The following TRIM49C variants were observed in gnomAD, a reference collection of about 807,000 sequenced individuals.
TRIM49C encodes tripartite motif containing 49C, also known as tripartite motif-containing protein 49C.
In TRIM49C, 6 loss-of-function variants were observed where a neutral mutation model predicts 21.4. The observed-to-expected ratio is 0.28, with a 90% CI of 0.15 to 0.55. The LOEUF is 0.55. TRIM49C is among the 20% of genes least tolerant of loss of function. The pLI is 0.94. For synonymous variants in TRIM49C, 57 were observed against 148.1 expected, an observed-to-expected ratio of 0.38 and a Z score of 4.47; for missense variants, 161 against 442.4, an observed-to-expected ratio of 0.36 and a Z score of 5.71.
chr11:90,064,054 A>G, the TRIM49C span, among the ~76,000 whole-genome samples: 1 of 134,180 alleles, frequency 7.5e-6, no homozygotes, highest in Non-Finnish European at 1.6e-5. Flanking sequence ...CTTAGTATCT[A>G]TGGTATTATT....
chr11:90,034,228 T>C (rs1249585260), intron 2 of TRIM49C, among the ~76,000 whole-genome samples: 1 of 112,762 alleles, frequency 8.9e-6, no homozygotes, highest in African/African-American at 4.3e-5. Context: ...ATCTGAGGTG[T>C]CAGCTGATTG....
the TRIM49C span, chr11:90,062,608 C>T: frequency 2.0e-6 from 3 of 1,476,630 alleles, no homozygotes; most frequent in Non-Finnish European, 2.7e-6. Context: ...TCCTCAGCAG[C>T]CCATCCTATT....
At chr11:90,059,834 G>A in the TRIM49C span, among the ~76,000 whole-genome samples, 5,242 of 145,586 alleles carry the variant, frequency 0.036, 206 homozygotes, top group Non-Finnish European at 0.053. Flanking sequence ...GAGGAGGCCC[G>A]GGTCATTGAT....
the TRIM49C span, among the ~76,000 whole-genome samples, chr11:90,064,316 C>T: frequency 6.6e-6 from 1 of 151,482 alleles, no homozygotes. Flanking sequence ...AACACTTTCA[C>T]ATTCTGAAAT....
the TRIM49C span, among the ~76,000 whole-genome samples, chr11:90,059,869 C>T: frequency 6.8e-6 from 1 of 147,228 alleles, no homozygotes; most frequent in Non-Finnish European, 1.5e-5. Context: ...AACATCCCTC[C>T]TCAGCCCTTC....
At chr11:90,037,354 T>TC (rs1950735822) in intron 4 of TRIM49C, among the ~76,000 whole-genome samples, 1 of 133,842 alleles carries the variant, frequency 7.5e-6, no homozygotes, top group Non-Finnish European at 1.6e-5. Flanking sequence ...TAAGGTCATT[T>TC]TCATATAATG....
the TRIM49C span, among the ~76,000 whole-genome samples, chr11:90,055,691 G>A: frequency 6.8e-6 from 1 of 146,340 alleles, no homozygotes; most frequent in Non-Finnish European, 1.5e-5. Flanking sequence ...AAATACTCTT[G>A]TCCCTCCTAC....
chr11:90,046,378 A>G (rs1353527037), downstream of TRIM49C, among the ~76,000 whole-genome samples: 5 of 126,750 alleles, frequency 3.9e-5, no homozygotes, highest in African/African-American at 1.2e-4. Context: ...TTGTACCTCT[A>G]GTAGAAGTCA....
the TRIM49C span, among the ~76,000 whole-genome samples, chr11:90,070,665 G>C: frequency 2.1e-5 from 3 of 140,646 alleles, 1 homozygote; most frequent in East Asian, 6.6e-4. Flanking sequence ...TCTGTCAATA[G>C]GTCTTACTGG....
At chr11:90,035,093 G>T in intron 2 of TRIM49C, 115 bp from the exon 3 acceptor site, 1 of 842,788 alleles carries the variant, frequency 1.2e-6, no homozygotes, top group Non-Finnish European at 1.8e-6. Context: ...ATAGTTTGTT[G>T]TACTTTAATG....
the TRIM49C span, chr11:90,051,911 C>T: frequency 7.0e-6 from 4 of 568,362 alleles, 2 homozygotes; most frequent in Non-Finnish European, 5.9e-6. Flanking sequence ...GCCTCCTCCG[C>T]CTCGGGTTTC....
downstream of TRIM49C, among the ~76,000 whole-genome samples, chr11:90,046,041 G>A (rs1316894567): frequency 1.6e-5 from 2 of 121,754 alleles, 1 homozygote; most frequent in African/African-American, 6.6e-5. Flanking sequence ...AGATAATCAC[G>A]TGGTTTTTGT....
At chr11:90,073,516 A>G in the TRIM49C span, 1 of 339,874 alleles carries the variant, frequency 2.9e-6, no homozygotes, top group Non-Finnish European at 5.0e-6. Context: ...TTTTATTGCT[A>G]TTAAGTAGAA....
the TRIM49C span, chr11:90,071,087 C>A: frequency 2.0e-6 from 1 of 488,976 alleles, no homozygotes. Flanking sequence ...TGAGCCACCT[C>A]ACCCAACAAG....
rs1158337630 is a variant in TRIM49C at position 90,033,678 on chromosome 11, G to T, written c.-5+1096G>T. ...AAACCGCCTGGCTGGGCACTGTGGC[G>T]CGTGCCTATAATCCCAGCACTTTGC... On this transcript the variant is annotated intron_variant, in intron 2 of 7. Coordinates refer to ENST00000448984, the MANE Select transcript of TRIM49C (RefSeq NM_001195234.1). 2.2e-5 allele frequency among the ~76,000 whole-genome samples: 3 copies of T among 135,106 alleles called. 1 individual carries two copies. Among genetic ancestry groups the T allele is most frequent in the South Asian group, 2.5e-4 (1 of 3,982 alleles). The allele number at this position is 135,106 out of a possible 152,430, so 88.6% of individuals were successfully genotyped here.
chr11:90,051,853 C>A, the TRIM49C span: 52 of 406,996 alleles, frequency 1.3e-4, 3 homozygotes, highest in East Asian at 2.6e-3. Flanking sequence ...CCTCTTCTTC[C>A]AGGGCAGCGG....
At chr11:90,069,102 T>A in the TRIM49C span, among the ~76,000 whole-genome samples, 4 of 136,640 alleles carry the variant, frequency 2.9e-5, no homozygotes, top group African/African-American at 1.2e-4. Context: ...TTGTTTTGTT[T>A]TTGTTTTTGT....
At chr11:90,065,840 T>C in the TRIM49C span, among the ~76,000 whole-genome samples, 1 of 135,820 alleles carries the variant, frequency 7.4e-6, no homozygotes, top group African/African-American at 2.6e-5. Flanking sequence ...CTTGTAATCC[T>C]AGCTACTTGG....
chr11:90,041,680 T>C lies in TRIM49C; in HGVS notation c.*130T>C. ...TGTCTTGAATTGCCTTCTAATGTTA[T>C]CAAAACTCATTTATTGTGTTACTAT... On this transcript the variant is annotated 3_prime_UTR_variant, in exon 8 of 8. Transcript: ENST00000448984. The C allele has an allele frequency of 6.9e-6, 3 of 437,904 alleles. No individual in the cohort carries two copies. Among genetic ancestry groups the C allele is most frequent in the Non-Finnish European group, 3.7e-6 (1 of 271,538 alleles). The allele number at this position is 437,904 out of a possible 1,614,324, so 27.1% of individuals were successfully genotyped here. A position where few individuals can be genotyped will look rare whatever the true frequency, so the allele number is the denominator to read the frequency against.
Sources: gnomAD v4.1 joint callset for allele counts (sites outside exome capture counted in the v4.1 genomes callset) on GRCh38, gnomAD v4.1.1 for gene constraint, MANE v1.5 for transcripts, NCBI Gene and HGNC (gene_info 2026-07-23, HGNC 2026-07-21) for gene names.